NIPAL3: variants seen among roughly 807,000 people sequenced by gnomAD.
NIPAL3 encodes NIPA-like protein 3.
Under a neutral mutation model 47.2 loss-of-function variants are expected in NIPAL3, and 41 were observed. The ratio of observed to expected loss-of-function variants is 0.87; its 90% CI spans 0.68 to 1.13. The LOEUF (loss-of-function observed/expected upper bound fraction) is 1.13, where lower values mean the gene tolerates loss of function less well. Ranked by LOEUF, NIPAL3 falls within the 50% of genes most tolerant of loss-of-function variation. NIPAL3 has a pLI of 0.00. For missense variants in NIPAL3, 449 were observed against 530.1 expected, an observed-to-expected ratio of 0.85 and a Z score of 1.50; for synonymous variants, 194 against 209.6, an observed-to-expected ratio of 0.93 and a Z score of 0.64.
In NIPAL3 at chr1:24,446,938, G is replaced by A. The variant is rs756447004; in HGVS notation, c.394+1694G>A. On this transcript the variant is annotated intron_variant, in intron 5 of 11. Coordinates refer to ENST00000374399, the MANE Select transcript of NIPAL3 (RefSeq NM_020448.5). ...ATACTAAGGAGATTGCCATCCCCAG[G>A]TCTGTGGGCCGGGTTTTCCACATAC... is the stretch of plus-strand genomic sequence containing the variant. 1.1e-3 allele frequency among the ~76,000 whole-genome samples: 161 copies of A among 152,230 alleles called. 1 individual carries two copies. The highest frequency in any genetic ancestry group is 8.7e-4 in the Non-Finnish European group (59 of 67,996).
chr1:24,429,044 C>T (rs78555417), intron 2 of NIPAL3, among the ~76,000 whole-genome samples: 5,304 of 152,146 alleles, frequency 0.035, 304 homozygotes, highest in African/African-American at 0.12. Context: ...TGGTCTCTTG[C>T]GGTAAAAATA....
rs762339294 is a variant in NIPAL3, at chr1:24,469,204, T to G, written c.*19T>G. ...GGAATGAGACTCGCCTCCCTCTATT[T>G]ATAACTGTCCCCTCCAGGCTGACAG... is the stretch of plus-strand genomic sequence containing the variant. On this transcript the variant is annotated 3_prime_UTR_variant, in exon 12 of 12. Transcript: ENST00000374399. 1.2e-6 allele frequency: 2 copies of G among 1,606,110 alleles called. No homozygotes were observed. The highest frequency in any genetic ancestry group is 1.7e-6 in the Non-Finnish European group (2 of 1,175,608).
upstream of NIPAL3, chr1:24,413,853 G>T (rs139196091): frequency 2.0e-5 from 3 of 152,360 alleles, no homozygotes; most frequent in East Asian, 5.8e-4. Context: ...TTCAAAGTCC[G>T]CAGAGAAGCC....
intron 2 of NIPAL3, 67 bp downstream of exon 2, chr1:24,419,707 T>C (rs936318478): frequency 5.1e-5 from 71 of 1,397,470 alleles, no homozygotes; most frequent in African/African-American, 1.0e-4. Context: ...GTGCTCTGCA[T>C]TGGCTAACAG....
chr1:24,452,220 G>A (rs1040836903), intron 6 of NIPAL3, among the ~76,000 whole-genome samples: 2 of 152,202 alleles, frequency 1.3e-5, no homozygotes, highest in South Asian at 4.1e-4. Context: ...GAAAGGAACA[G>A]TTGTTGATGC....
intron 7 of NIPAL3, 102 bp from the exon 8 acceptor site, chr1:24,456,036 C>A: frequency 7.1e-7 from 1 of 1,398,604 alleles, no homozygotes; most frequent in Non-Finnish European, 9.9e-7. Context: ...TGTTCCCTCC[C>A]CTCTGTCTCC....
chr1:24,430,215 T>C (rs1644814080), intron 2 of NIPAL3, among the ~76,000 whole-genome samples: 1 of 151,490 alleles, frequency 6.6e-6, no homozygotes, highest in South Asian at 2.1e-4. Context: ...GGACTGTTGG[T>C]ATAGCAGTAT....
chr1:24,421,018 T>A (rs1318655179), intron 2 of NIPAL3, among the ~76,000 whole-genome samples: 1 of 152,146 alleles, frequency 6.6e-6, no homozygotes, highest in Non-Finnish European at 1.5e-5. Flanking sequence ...TGAAAATTAT[T>A]TTTTTAAAGA....
chr1:24,428,019 C>A (rs1644678092), intron 2 of NIPAL3, among the ~76,000 whole-genome samples: 2 of 152,118 alleles, frequency 1.3e-5, no homozygotes, highest in South Asian at 4.1e-4. Context: ...GCCGAGGCAG[C>A]CTTTGAGCCC....
At chr1:24,417,536 G>A (rs1644117043) in intron 1 of NIPAL3, among the ~76,000 whole-genome samples, 1 of 152,234 alleles carries the variant, frequency 6.6e-6, no homozygotes, top group Admixed American at 6.5e-5. Flanking sequence ...GGGTTTTACA[G>A]GCAGGGAAGT....
intron 2 of NIPAL3, among the ~76,000 whole-genome samples, chr1:24,427,486 C>T (rs1644644674): frequency 1.3e-5 from 2 of 152,190 alleles, no homozygotes; most frequent in African/African-American, 4.8e-5. Context: ...TGTGGACATT[C>T]ATATGTTATG....
chr1:24,460,475 C>A lies in NIPAL3; in HGVS notation c.863-6C>A. Reference sequence around the variant, plus strand: ...CAGCGGTATTTTCTATGATTTGCTGCTGCAGGTGCAATATTTTACCTGGAC... The same window carrying A: ...CAGCGGTATTTTCTATGATTTGCTGATGCAGGTGCAATATTTTACCTGGAC... On this transcript the variant is annotated splice_region_variant and splice_polypyrimidine_tract_variant and intron_variant, in intron 9 of 11. Coordinates refer to ENST00000374399, the MANE Select transcript of NIPAL3 (RefSeq NM_020448.5). 6.3e-7 allele frequency: 1 copy of A among 1,586,936 alleles called. No homozygotes were observed. Among genetic ancestry groups the A allele is most frequent in the Non-Finnish European group, 8.6e-7 (1 of 1,169,054 alleles).
Position 24,419,333 on chromosome 1 carries a change from G to A in NIPAL3, c.-215G>A. The A allele has an allele frequency of 7.9e-7, 1 of 1,271,660 alleles. No homozygotes were observed. Among genetic ancestry groups the A allele is most frequent in the Admixed American group, 4.2e-5 (1 of 23,590 alleles). The allele number at this position is 1,271,660 out of a possible 1,614,324, so 78.8% of individuals were successfully genotyped here. On this transcript the variant is annotated 5_prime_UTR_variant, in exon 2 of 12. Coordinates refer to ENST00000374399, the MANE Select transcript of NIPAL3 (RefSeq NM_020448.5). ...AAAACACACCCCTCTCTGTCTGCCTGGGAGAGCCACGGAAATTGGCACTTC... is the reference window on the plus strand; with the variant it reads ...AAAACACACCCCTCTCTGTCTGCCTAGGAGAGCCACGGAAATTGGCACTTC...
intron 7 of NIPAL3, among the ~76,000 whole-genome samples, chr1:24,453,841 T>C (rs1210830618): frequency 6.6e-6 from 1 of 152,158 alleles, no homozygotes; most frequent in African/African-American, 2.4e-5. Context: ...ACGGTAGTAG[T>C]AGAGCATGCC....
intron 6 of NIPAL3, 81 bp from the exon 7 acceptor site, chr1:24,453,327 G>T: frequency 1.1e-6 from 1 of 907,358 alleles, no homozygotes; most frequent in Non-Finnish European, 1.8e-6. Context: ...TGACTCTGGT[G>T]ATGGCCCAGC....
intron 3 of NIPAL3, among the ~76,000 whole-genome samples, chr1:24,440,822 G>A (rs933267380): frequency 6.6e-6 from 1 of 152,180 alleles, no homozygotes; most frequent in Admixed American, 6.5e-5. Context: ...GCCAGCAGGG[G>A]TGGGAGGCAG....
At chr1:24,466,606 C>T (rs1296778822) in intron 11 of NIPAL3, among the ~76,000 whole-genome samples, 1 of 152,192 alleles carries the variant, frequency 6.6e-6, no homozygotes, top group Non-Finnish European at 1.5e-5. Flanking sequence ...CCAAGCCAAC[C>T]CCACAATAAC....
intron 11 of NIPAL3, chr1:24,466,098 A>G (rs1032550856): frequency 1.2e-6 from 2 of 1,608,816 alleles, no homozygotes; most frequent in African/African-American, 1.3e-5. Flanking sequence ...GAGTAATTCA[A>G]GCACCTGAAA....
chr1:24,433,607 C>T (rs986496653), intron 2 of NIPAL3, among the ~76,000 whole-genome samples: 3 of 152,138 alleles, frequency 2.0e-5, no homozygotes, highest in Admixed American at 2.0e-4. Flanking sequence ...CAATTATTGC[C>T]ATTTATTTGT....
Sources: allele counts gnomAD v4.1 joint callset (sites outside exome capture counted in the v4.1 genomes callset), GRCh38; gene constraint gnomAD v4.1.1; transcripts MANE v1.5; gene names NCBI Gene and HGNC (gene_info 2026-07-23, HGNC 2026-07-21).